DENND5A: variants seen among roughly 807,000 people sequenced by gnomAD.
The protein encoded by DENND5A is DENN domain-containing protein 5A.
In DENND5A, 64 loss-of-function variants were observed where a neutral mutation model predicts 140.3. The ratio of observed to expected loss-of-function variants is 0.46; its 90% CI spans 0.37 to 0.56. The LOEUF is 0.56. Among genes scored for constraint, DENND5A ranks in the 20% least tolerant of loss-of-function variants. The pLI is 0.00. For synonymous variants in DENND5A, 605 were observed against 607.7 expected (o/e 1.00, Z 0.07); for missense variants, 1,292 against 1,593.8 (o/e 0.81, Z 3.22).
At chr11:9,178,428 G>C (rs1384845897) in intron 7 of DENND5A, 62 bp from the exon 8 acceptor site, 2 of 993,336 alleles carry the variant, frequency 2.0e-6, no homozygotes, top group Non-Finnish European at 3.1e-6. Context: ...TGTGCCCAAG[G>C]GATCCAGTAG....
intron 6 of DENND5A, 70 bp from the exon 7 acceptor site, chr11:9,179,143 G>T: frequency 7.2e-7 from 1 of 1,382,182 alleles, no homozygotes; most frequent in Non-Finnish European, 1.0e-6. Context: ...TGCAATTCCT[G>T]ATTTTTTTAT....
chr11:9,198,403 G>A (rs1849406165), intron 4 of DENND5A, among the ~76,000 whole-genome samples: 1 of 151,576 alleles, frequency 6.6e-6, no homozygotes, highest in Admixed American at 6.6e-5. Context: ...ACGAGGTCAA[G>A]AAATCGAGAC....
Position 9,141,973 on chromosome 11 carries a change from C to G in DENND5A, c.3647G>C (p.Gly1216Ala). The G allele has an allele frequency of 6.2e-7, 1 of 1,601,302 alleles. No individual in the cohort carries two copies. The highest frequency in any genetic ancestry group is 1.7e-5 in the Admixed American group (1 of 58,774). The change falls in exon 22 of 23, where the codon GGC becomes GCC. Residue 1216 changes from glycine to alanine, a missense_variant. This residue lies in a region of DENND5A where 498 missense variants were observed against 689.7 expected (regional missense o/e 0.72). Coordinates refer to ENST00000328194, the MANE Select transcript of DENND5A (RefSeq NM_015213.4). ...NNTPRNIGKD[G>A]KFQMLVCLGA... Reference sequence around the variant, plus strand: ...CAAGCACACCAGCATCTGAAACTTGCCATCCTTGCCGATGTTCCGGGGAGT... The same window carrying G: ...CAAGCACACCAGCATCTGAAACTTGGCATCCTTGCCGATGTTCCGGGGAGT...
chr11:9,178,179 G>A lies in DENND5A; in HGVS notation c.1859C>T (p.Thr620Ile), dbSNP rs1487155157. 6.2e-7 allele frequency: 1 copy of A among 1,614,088 alleles called. No homozygotes were observed. Among genetic ancestry groups the A allele is most frequent in the African/African-American group, 1.3e-5 (1 of 75,052 alleles). Residue 620 changes from threonine (T) to isoleucine (I), a missense_variant, in exon 8 of 23, where the codon ACT (threonine) becomes ATT (isoleucine). Thr to Ile is a moderately conservative substitution (Grantham distance 89). This residue lies in a region of DENND5A where 199 missense variants were observed against 189.1 expected (regional missense o/e 1.05). Transcript: ENST00000328194. ...KIRLLNVRTPTLRTSMYQKCT... is the reference protein window; with the variant it reads ...KIRLLNVRTPILRTSMYQKCT... ...CTTCTGGTACATGGATGTACGGAGA[G>A]TAGGTGTCCGAACATTCAACAGCCT...
chr11:9,221,446 C>T (rs1420798880), intron 1 of DENND5A, among the ~76,000 whole-genome samples: 1 of 151,932 alleles, frequency 6.6e-6, no homozygotes, highest in Non-Finnish European at 1.5e-5. Flanking sequence ...AACAAACAAA[C>T]AACAGCAACA....
intron 18 of DENND5A, 67 bp downstream of exon 18, chr11:9,144,928 C>T (rs1185079792): frequency 6.9e-6 from 8 of 1,164,878 alleles, no homozygotes; most frequent in Admixed American, 3.4e-5. Context: ...CTCCACATAC[C>T]CAAGCATCGA....
intron 8 of DENND5A, among the ~76,000 whole-genome samples, chr11:9,177,409 T>C (rs1044639728): frequency 6.6e-6 from 1 of 151,800 alleles, no homozygotes; most frequent in East Asian, 1.9e-4. Flanking sequence ...GCCAACACTT[T>C]GGGAGGCCAA....
At chr11:9,181,391 A>G (rs1365956000) in intron 5 of DENND5A, among the ~76,000 whole-genome samples, 2 of 152,296 alleles carry the variant, frequency 1.3e-5, no homozygotes, top group Admixed American at 1.3e-4. Flanking sequence ...AATGTCATAG[A>G]TGTTTAGCAT....
At chr11:9,151,100 C>T (rs893818234) in intron 13 of DENND5A, among the ~76,000 whole-genome samples, 4 of 152,122 alleles carry the variant, frequency 2.6e-5, no homozygotes, top group Non-Finnish European at 5.9e-5. Flanking sequence ...GAACACAGAC[C>T]TCCTGGCTCC....
chr11:9,141,640 G>A (rs960648219), intron 22 of DENND5A, among the ~76,000 whole-genome samples: 3 of 152,196 alleles, frequency 2.0e-5, no homozygotes, highest in African/African-American at 7.2e-5. Flanking sequence ...ACAATGGTAA[G>A]TATTTGGGTA....
intron 11 of DENND5A, among the ~76,000 whole-genome samples, chr11:9,162,863 ATT>A (rs61181938): frequency 0.11 from 14,400 of 136,820 alleles, 2,332 homozygotes; most frequent in African/African-American, 0.35. Flanking sequence ...TTCTTTTGTG[ATT>A]TTTTTTTTTT....
intron 1 of DENND5A, among the ~76,000 whole-genome samples, chr11:9,221,455 C>CA (rs967740032): frequency 2.4e-4 from 36 of 150,318 alleles, no homozygotes; most frequent in Middle Eastern, 3.4e-3. Flanking sequence ...ACAACAGCAA[C>CA]AAAAAAAACA....
At chr11:9,185,402 T>C (rs761631782) in intron 5 of DENND5A, among the ~76,000 whole-genome samples, 3 of 152,172 alleles carry the variant, frequency 2.0e-5, no homozygotes, top group Non-Finnish European at 4.4e-5. Context: ...CCCCTACAGA[T>C]AAGCAATTTT....
At chr11:9,189,170 G>A (rs1184438321) in intron 5 of DENND5A, among the ~76,000 whole-genome samples, 1 of 152,230 alleles carries the variant, frequency 6.6e-6, no homozygotes, top group Admixed American at 6.5e-5. Flanking sequence ...TGGCTTCAGA[G>A]GGTGCAAGTC....
chr11:9,225,532 A>T (rs1232764146), intron 1 of DENND5A, among the ~76,000 whole-genome samples: 1 of 152,180 alleles, frequency 6.6e-6, no homozygotes, highest in East Asian at 1.9e-4. Flanking sequence ...GGCTGAAGCC[A>T]GCCGATCACT....
At chr11:9,182,061 T>C (rs1590242577) in intron 5 of DENND5A, among the ~76,000 whole-genome samples, 1 of 152,208 alleles carries the variant, frequency 6.6e-6, no homozygotes, top group East Asian at 1.9e-4. Context: ...GGTTCATGCC[T>C]GTAATCCCAG....
At chr11:9,165,191 G>A (rs1000847360) in intron 11 of DENND5A, among the ~76,000 whole-genome samples, 4 of 151,964 alleles carry the variant, frequency 2.6e-5, no homozygotes, top group East Asian at 1.9e-4. Flanking sequence ...TAGTAGAGAC[G>A]GGGTTTTACC....
intron 10 of DENND5A, among the ~76,000 whole-genome samples, chr11:9,168,260 G>A (rs967452383): frequency 6.6e-6 from 1 of 151,942 alleles, no homozygotes; most frequent in Non-Finnish European, 1.5e-5. Context: ...TCTTTCCTGA[G>A]CTGTTCTCGT....
At chr11:9,142,519 A>T (rs1204623232) in intron 21 of DENND5A, among the ~76,000 whole-genome samples, 4 of 152,172 alleles carry the variant, frequency 2.6e-5, no homozygotes, top group African/African-American at 9.7e-5. Flanking sequence ...TTTCTGTGCA[A>T]TTCTCAAGAG....
Sources: allele counts gnomAD v4.1 joint callset (sites outside exome capture counted in the v4.1 genomes callset), GRCh38; gene constraint gnomAD v4.1.1; regional missense constraint gnomAD v4.1.1; transcripts MANE v1.5; gene names NCBI Gene and HGNC (gene_info 2026-07-23, HGNC 2026-07-21).